Variants in CACNA1E observed in about 807,000 individuals in gnomAD.
CACNA1E encodes the protein voltage-dependent R-type calcium channel subunit alpha-1E.
In CACNA1E, 40 loss-of-function variants were observed where a neutral mutation model predicts 259.2. That is an observed-to-expected ratio of 0.15 (90% CI 0.12 to 0.20). The LOEUF (loss-of-function observed/expected upper bound fraction) is 0.20. Ranked by LOEUF, CACNA1E falls within the 10% of genes least tolerant of loss-of-function variation. The pLI is 1.00. For synonymous variants in CACNA1E, 1,104 were observed against 1,138.5 expected, an observed-to-expected ratio of 0.97 and a Z score of 0.61; for missense variants, 1,874 against 3,040.1, an observed-to-expected ratio of 0.62 and a Z score of 9.02.
rs567552580 is a variant in CACNA1E at position 181,485,498 on chromosome 1, G to C, written c.266+1488G>C. Among the ~76,000 whole-genome samples, 11 of 152,276 alleles carry C rather than the reference G, an allele frequency of 7.2e-5. No homozygotes were observed. The East Asian group carries it at 2.1e-3, about 29-fold the overall frequency. Reference sequence around the variant, plus strand: ...GCATCCTCCCACAGCAACCCCGGCTGGGCTTCTCCCTCTCTCCTCTCTGCA... The same window carrying C: ...GCATCCTCCCACAGCAACCCCGGCTCGGCTTCTCCCTCTCTCCTCTCTGCA... On this transcript the variant is annotated intron_variant, in intron 1 of 47. Transcript: ENST00000367573. The surrounding 1 kb of genome is among the most constrained non-coding windows in gnomAD (Gnocchi z 4.2).
intron 6 of CACNA1E, among the ~76,000 whole-genome samples, chr1:181,591,508 G>A (rs1193508255): frequency 6.6e-6 from 1 of 151,904 alleles, no homozygotes; most frequent in Non-Finnish European, 1.5e-5. Context: ...TTATCTTCCA[G>A]AAAACAACCT....
chr1:181,707,577 A>T (rs1038199735), intron 7 of CACNA1E, among the ~76,000 whole-genome samples: 2 of 152,204 alleles, frequency 1.3e-5, no homozygotes, highest in African/African-American at 4.8e-5. Context: ...TGGGGGCCTT[A>T]TAAAGATGAC....
At chr1:181,527,295 G>A (rs920078198) in intron 3 of CACNA1E, among the ~76,000 whole-genome samples, 1 of 152,216 alleles carries the variant, frequency 6.6e-6, no homozygotes, top group African/African-American at 2.4e-5. Flanking sequence ...GAGCTCTCTG[G>A]TGTCTCTTTT....
chr1:181,770,131 C>T (rs1659377171), intron 35 of CACNA1E, among the ~76,000 whole-genome samples: 1 of 152,160 alleles, frequency 6.6e-6, no homozygotes, highest in Non-Finnish European at 1.5e-5. Context: ...CTCAATTGCA[C>T]ATTCTAAAAA....
chr1:181,784,305 G>A (rs1660678179), intron 40 of CACNA1E, among the ~76,000 whole-genome samples: 1 of 152,162 alleles, frequency 6.6e-6, no homozygotes, highest in Non-Finnish European at 1.5e-5. Context: ...TAGGGTTGCT[G>A]GAGGGATTGA....
chr1:181,669,513 T>C, intron 7 of CACNA1E, among the ~76,000 whole-genome samples: 1 of 152,244 alleles, frequency 6.6e-6, no homozygotes, highest in Non-Finnish European at 1.5e-5. Context: ...CATTGCACTA[T>C]ATATACTCCT....
intron 9 of CACNA1E, among the ~76,000 whole-genome samples, chr1:181,715,607 T>C (rs1653811970): frequency 6.6e-6 from 1 of 151,952 alleles, no homozygotes; most frequent in Admixed American, 6.6e-5. Context: ...AACCCAAGAG[T>C]TGCTTTGTTC....
chr1:181,428,754 C>T (rs758181191), intron 2 of CACNA1E, among the ~76,000 whole-genome samples: 34 of 152,144 alleles, frequency 2.2e-4, no homozygotes, highest in Non-Finnish European at 3.7e-4. Flanking sequence ...GGACTGACCC[C>T]AGGAAGACTG....
At chr1:181,434,520 A>C (rs531278130) in intron 2 of CACNA1E, among the ~76,000 whole-genome samples, 1 of 152,242 alleles carries the variant, frequency 6.6e-6, no homozygotes, top group East Asian at 1.9e-4. Context: ...GATATGGAAA[A>C]GGCTATCAAT....
At chr1:181,711,934 A>G (rs1653408481) in intron 8 of CACNA1E, among the ~76,000 whole-genome samples, 1 of 152,152 alleles carries the variant, frequency 6.6e-6, no homozygotes, top group Non-Finnish European at 1.5e-5. Flanking sequence ...CAGAGGACTG[A>G]CGTGCTGGCC....
Position 181,718,175 on chromosome 1 carries a change from C to G in CACNA1E, c.1638+8C>G. 6.9e-7 allele frequency: 1 copy of G among 1,440,658 alleles called. No homozygotes were observed. Among genetic ancestry groups the G allele is most frequent in the Non-Finnish European group, 9.8e-7 (1 of 1,025,094 alleles). The allele number at this position is 1,440,658 out of a possible 1,614,324, so 89.2% of individuals were successfully genotyped here. On this transcript the variant is annotated splice_region_variant and intron_variant, in intron 12 of 47. Transcript: ENST00000367573. ...AACTGCTTTGATTTTGGGGTAAGTC[C>G]TCGGAAGCCTGCCTCTGCTCCTGCT...
At chr1:181,353,900 C>T (rs1653225857) in intron 1 of CACNA1E, among the ~76,000 whole-genome samples, 1 of 152,172 alleles carries the variant, frequency 6.6e-6, no homozygotes, top group Non-Finnish European at 1.5e-5. Context: ...TGAAGAGATT[C>T]CCTGTCTGTT....
chr1:181,334,303 T>C (rs1651517901), intron 1 of CACNA1E, among the ~76,000 whole-genome samples: 2 of 152,208 alleles, frequency 1.3e-5, no homozygotes, highest in South Asian at 4.1e-4. Context: ...TACCCCAGGG[T>C]GCAGTCCTAA....
intron 7 of CACNA1E, among the ~76,000 whole-genome samples, chr1:181,708,481 T>C (rs962710008): frequency 1.2e-4 from 19 of 152,230 alleles, no homozygotes; most frequent in Admixed American, 6.5e-5. Context: ...TCAAGGATGA[T>C]CATGTTCCTC....
intron 7 of CACNA1E, among the ~76,000 whole-genome samples, chr1:181,694,011 C>T (rs767798733): frequency 1.2e-4 from 19 of 152,150 alleles, no homozygotes; most frequent in Non-Finnish European, 1.9e-4. Context: ...AAAAACACTT[C>T]TCAACTCATT....
chr1:181,532,504 G>C (rs1667858897), intron 3 of CACNA1E, among the ~76,000 whole-genome samples: 1 of 152,238 alleles, frequency 6.6e-6, no homozygotes, highest in South Asian at 2.1e-4. Context: ...GCCACCTCCA[G>C]GGGCAGAGCA....
At chr1:181,358,352 C>T (rs1653613105) in intron 1 of CACNA1E, among the ~76,000 whole-genome samples, 1 of 152,172 alleles carries the variant, frequency 6.6e-6, no homozygotes, top group Non-Finnish European at 1.5e-5. Context: ...TGAAATCATG[C>T]TTAAGATCAC....
At chr1:181,417,124 C>A (rs1185997760) in intron 2 of CACNA1E, among the ~76,000 whole-genome samples, 1 of 152,146 alleles carries the variant, frequency 6.6e-6, no homozygotes, top group Non-Finnish European at 1.5e-5. Context: ...TCCACTCCCT[C>A]TAGTGCTCAG....
chr1:181,339,645 A>G (rs1651996114), intron 1 of CACNA1E, among the ~76,000 whole-genome samples: 2 of 140,070 alleles, frequency 1.4e-5, no homozygotes, highest in Admixed American at 1.4e-4. Flanking sequence ...CCCTACTAAT[A>G]TACTGTGTTA....
Sources: gnomAD v4.1 joint callset for allele counts (sites outside exome capture counted in the v4.1 genomes callset) on GRCh38, gnomAD v4.1.1 for gene constraint, Gnocchi (gnomAD v3.1) non-coding constraint, MANE v1.5 for transcripts, NCBI Gene and HGNC (gene_info 2026-07-23, HGNC 2026-07-21) for gene names.